Variants in MAN1A1 observed in about 807,000 individuals in gnomAD.
The protein encoded by MAN1A1 is mannosidase alpha class 1A member 1, also known as mannosyl-oligosaccharide 1,2-alpha-mannosidase IA.
MAN1A1 carries 29 observed loss-of-function variants against 70.8 expected under a neutral mutation model. The ratio of observed to expected loss-of-function variants is 0.41; its 90% CI spans 0.31 to 0.56. The LOEUF is 0.56. MAN1A1 is among the 20% of genes least tolerant of loss of function. The pLI is 0.29. For synonymous variants in MAN1A1, 349 were observed against 330.1 expected (o/e 1.06, Z -0.62); for missense variants, 747 against 841.3 (o/e 0.89, Z 1.39).
Position 119,188,481 on chromosome 6 carries a change from A to G in MAN1A1, c.1643T>C (p.Val548Ala). ...CCACATATACATGTAAGTCTCCATA[A>G]CTTCTGGCCGTAAGATGTAGTATTT... ...NEKYYILRPEVMETYMYMWRL... is the reference protein window; with the variant it reads ...NEKYYILRPEAMETYMYMWRL... The change falls in exon 11 of 13, where the codon GTT becomes GCT. Residue 548 changes from valine (V) to alanine (A), a missense_variant. This residue lies in a region of MAN1A1 where 419 missense variants were observed against 548.2 expected (regional missense o/e 0.76). Transcript: ENST00000368468. 6.2e-7 allele frequency: 1 copy of G among 1,613,974 alleles called. No homozygotes were observed. Among genetic ancestry groups the G allele is most frequent in the Non-Finnish European group, 8.5e-7 (1 of 1,179,912 alleles).
At chr6:119,225,105 C>T (rs1774469981) in intron 6 of MAN1A1, among the ~76,000 whole-genome samples, 1 of 151,844 alleles carries the variant, frequency 6.6e-6, no homozygotes, top group South Asian at 2.1e-4. Context: ...GATTGCGCCA[C>T]TACACTCCAG....
At chr6:119,257,355 A>G (rs1775487707) in intron 5 of MAN1A1, among the ~76,000 whole-genome samples, 1 of 152,202 alleles carries the variant, frequency 6.6e-6, no homozygotes, top group Admixed American at 6.5e-5. Flanking sequence ...TGTCTTAAGG[A>G]AGTCCTAACA....
At chr6:119,258,428 A>G (rs911278278) in intron 5 of MAN1A1, among the ~76,000 whole-genome samples, 3 of 152,214 alleles carry the variant, frequency 2.0e-5, no homozygotes, top group Non-Finnish European at 4.4e-5. Context: ...ACTACACAGT[A>G]TAACAACTAT....
intron 5 of MAN1A1, among the ~76,000 whole-genome samples, chr6:119,274,739 T>C: frequency 6.6e-6 from 1 of 152,134 alleles, no homozygotes; most frequent in Non-Finnish European, 1.5e-5. Context: ...TAGTTCAGAA[T>C]AAAAAGAGAG....
intron 2 of MAN1A1, among the ~76,000 whole-genome samples, chr6:119,317,050 T>A (rs1424630432): frequency 6.6e-6 from 1 of 151,966 alleles, no homozygotes; most frequent in Non-Finnish European, 1.5e-5. Context: ...CCTTTTATCC[T>A]TTCTTTTGTG....
chr6:119,306,524 A>C (rs1206022497), intron 3 of MAN1A1, among the ~76,000 whole-genome samples: 2 of 152,220 alleles, frequency 1.3e-5, no homozygotes, highest in East Asian at 3.9e-4. Context: ...TTATCTATAA[A>C]GGCACAGCTT....
At chr6:119,299,912 C>G (rs771274813) in intron 4 of MAN1A1, among the ~76,000 whole-genome samples, 35 of 152,220 alleles carry the variant, frequency 2.3e-4, no homozygotes, top group Middle Eastern at 3.4e-3. Flanking sequence ...GCCCCAAGTC[C>G]AGAGCTCCTC....
At chr6:119,201,480 T>C (rs906293699) in intron 7 of MAN1A1, 133 bp from the exon 8 acceptor site, 1 of 637,410 alleles carries the variant, frequency 1.6e-6, no homozygotes, top group Non-Finnish European at 2.8e-6. Context: ...TAGCTTATTA[T>C]TACAAACATA....
intron 2 of MAN1A1, among the ~76,000 whole-genome samples, chr6:119,336,989 T>C (rs916814080): frequency 6.6e-6 from 1 of 152,234 alleles, no homozygotes; most frequent in Non-Finnish European, 1.5e-5. Flanking sequence ...ATAAACACTT[T>C]TCAATAAAAT....
chr6:119,221,518 G>C (rs1774360345), intron 6 of MAN1A1, among the ~76,000 whole-genome samples: 1 of 148,590 alleles, frequency 6.7e-6, no homozygotes, highest in Admixed American at 6.7e-5. Context: ...TGTCACCCAG[G>C]CTGGATTGCA....
chr6:119,195,704 A>T (rs915286453), intron 8 of MAN1A1, among the ~76,000 whole-genome samples: 12 of 152,236 alleles, frequency 7.9e-5, no homozygotes, highest in Non-Finnish European at 1.5e-4. Context: ...ATAACTGACG[A>T]ACAAAGCAAA....
At chr6:119,201,909 G>T (rs1462428565) in intron 7 of MAN1A1, among the ~76,000 whole-genome samples, 1 of 152,068 alleles carries the variant, frequency 6.6e-6, no homozygotes, top group Admixed American at 6.6e-5. Flanking sequence ...ACTTTGTATA[G>T]GGCATTTATC....
chr6:119,202,524 A>C (rs758217778), intron 7 of MAN1A1, among the ~76,000 whole-genome samples: 1 of 152,240 alleles, frequency 6.6e-6, no homozygotes, highest in African/African-American at 2.4e-5. Context: ...GTAGTACATA[A>C]ATCAGTAATG....
intron 2 of MAN1A1, among the ~76,000 whole-genome samples, chr6:119,330,081 A>G (rs1773268099): frequency 6.6e-6 from 1 of 152,132 alleles, no homozygotes; most frequent in Admixed American, 6.5e-5. Flanking sequence ...GTAAATGTTG[A>G]TGTTCCTTGG....
chr6:119,200,783 A>G (rs924082391), intron 8 of MAN1A1, among the ~76,000 whole-genome samples: 2 of 152,206 alleles, frequency 1.3e-5, no homozygotes, highest in Admixed American at 6.5e-5. Flanking sequence ...CTTAAAATTA[A>G]GAAGAGAAAA....
chr6:119,336,748 GT>G (rs1433991165), intron 2 of MAN1A1, among the ~76,000 whole-genome samples: 4 of 152,086 alleles, frequency 2.6e-5, no homozygotes, highest in Non-Finnish European at 5.9e-5. Flanking sequence ...TTTCATTTTA[GT>G]GTGGTACTGT....
chr6:119,240,118 T>C (rs1774962231), intron 6 of MAN1A1, among the ~76,000 whole-genome samples: 1 of 152,204 alleles, frequency 6.6e-6, no homozygotes, highest in South Asian at 2.1e-4. Flanking sequence ...CAGTCCCATC[T>C]GCTTTGAACC....
At chr6:119,332,094 T>G (rs1773333320) in intron 2 of MAN1A1, 1 of 388,016 alleles carries the variant, frequency 2.6e-6, no homozygotes, top group African/African-American at 2.1e-5. Context: ...TGAGAATATG[T>G]ACATAAAGTG....
chr6:119,216,351 T>C (rs1445328312), intron 6 of MAN1A1, among the ~76,000 whole-genome samples: 1 of 152,132 alleles, frequency 6.6e-6, no homozygotes, highest in East Asian at 1.9e-4. Flanking sequence ...GTCTGGGTGC[T>C]GATAGTAGAG....
Sources: gnomAD v4.1 joint callset for allele counts (sites outside exome capture counted in the v4.1 genomes callset) on GRCh38, gnomAD v4.1.1 for gene constraint, gnomAD v4.1.1 regional missense constraint, MANE v1.5 for transcripts, NCBI Gene and HGNC (gene_info 2026-07-23, HGNC 2026-07-21) for gene names.